Variants in EPB41L4A observed in about 807,000 individuals in gnomAD.
The protein encoded by EPB41L4A is erythrocyte membrane protein band 4.1 like 4A.
In EPB41L4A, 100 loss-of-function variants were observed where a neutral mutation model predicts 108.6. The ratio of observed to expected loss-of-function variants is 0.92; its 90% CI spans 0.78 to 1.09. The LOEUF (loss-of-function observed/expected upper bound fraction) is 1.09, where lower values mean the gene tolerates loss of function less well. EPB41L4A is among the 50% of genes least tolerant of loss of function. The pLI, the probability that EPB41L4A is intolerant of heterozygous loss-of-function variation, is 0.00. For missense variants in EPB41L4A, 1,030 were observed against 842.7 expected, an observed-to-expected ratio of 1.22 and a Z score of -2.75; for synonymous variants, 319 against 289.0, an observed-to-expected ratio of 1.10 and a Z score of -1.05.
At chr5:112,301,348 G>A (rs754774264) in intron 2 of EPB41L4A, among the ~76,000 whole-genome samples, 5 of 152,154 alleles carry the variant, frequency 3.3e-5, no homozygotes, top group Admixed American at 3.3e-4. Context: ...GTGTTCCCGT[G>A]ATGTAGCACT....
intron 1 of EPB41L4A, among the ~76,000 whole-genome samples, chr5:112,371,606 G>A (rs1759501487): frequency 6.6e-6 from 1 of 152,074 alleles, no homozygotes; most frequent in Non-Finnish European, 1.5e-5. Flanking sequence ...GAATGTCCAA[G>A]GACAAACAGT....
intron 18 of EPB41L4A, among the ~76,000 whole-genome samples, chr5:112,174,160 C>G (rs1477636084): frequency 1.3e-5 from 2 of 152,196 alleles, no homozygotes; most frequent in Admixed American, 6.5e-5. Context: ...CCTCTGATTG[C>G]TAGACCACCT....
At chr5:112,209,259 C>T (rs914694516) in intron 13 of EPB41L4A, among the ~76,000 whole-genome samples, 1 of 152,236 alleles carries the variant, frequency 6.6e-6, no homozygotes, top group African/African-American at 2.4e-5. Context: ...GTTTATAATG[C>T]TGTTCCGTGA....
intron 1 of EPB41L4A, among the ~76,000 whole-genome samples, chr5:112,322,697 G>GAGAC (rs1561570819): frequency 6.9e-6 from 1 of 144,690 alleles, no homozygotes; most frequent in Non-Finnish European, 1.5e-5. Context: ...CATCCACTAT[G>GAGAC]AGACACACAC....
intron 1 of EPB41L4A, among the ~76,000 whole-genome samples, chr5:112,396,246 A>T (rs1287823379): frequency 1.3e-5 from 2 of 152,192 alleles, no homozygotes; most frequent in South Asian, 2.1e-4. Context: ...CTTAAAGTAT[A>T]ATTAAAAAAA....
At chr5:112,361,668 T>A (rs1278043464) in intron 1 of EPB41L4A, among the ~76,000 whole-genome samples, 6 of 149,170 alleles carry the variant, frequency 4.0e-5, no homozygotes, top group Non-Finnish European at 5.9e-5. Context: ...CAAAGAAAAA[T>A]AGTAGAAGTA....
chr5:112,165,205 TA>T (rs767512690), intron 22 of EPB41L4A, 87 bp from the exon 23 acceptor site: 243 of 994,790 alleles, frequency 2.4e-4, no homozygotes, highest in Non-Finnish European at 3.5e-4. Flanking sequence ...AAGCTGCTCT[TA>T]AATTTAAGAT....
chr5:112,310,760 C>T (rs1754996196), intron 1 of EPB41L4A, among the ~76,000 whole-genome samples: 1 of 152,022 alleles, frequency 6.6e-6, no homozygotes, highest in South Asian at 2.1e-4. Flanking sequence ...AAACCTTCTG[C>T]TAATGTGCAA....
chr5:112,419,142 G>A lies in EPB41L4A; in HGVS notation c.-103C>T. The A allele has an allele frequency of 2.3e-6, 2 of 863,016 alleles. No individual in the cohort carries two copies. Among genetic ancestry groups the A allele is most frequent in the Admixed American group, 2.1e-5 (1 of 47,710 alleles). The allele number at this position is 863,016 out of a possible 1,614,324, so 53.5% of individuals were successfully genotyped here. On this transcript the variant is annotated 5_prime_UTR_variant, in exon 1 of 23. Transcript: ENST00000261486. The stretch of plus-strand genomic sequence containing the variant: ...GCATTAATTTATTGTCCGCGCCGTG[G>A]CGAGGGTGAGACGAGCAGCTCCCGG...
chr5:112,228,607 C>G, intron 12 of EPB41L4A: 1 of 677,516 alleles, frequency 1.5e-6, no homozygotes, highest in Non-Finnish European at 1.8e-6. Flanking sequence ...ATGGCTTCAC[C>G]CATTACTTTT....
intron 9 of EPB41L4A, among the ~76,000 whole-genome samples, chr5:112,244,830 G>A (rs951462433): frequency 6.6e-5 from 10 of 152,148 alleles, no homozygotes; most frequent in African/African-American, 2.4e-4. Flanking sequence ...GTTAGAAAAT[G>A]ATTCAGGACT....
chr5:112,158,486 T>C (rs1369805823), downstream of EPB41L4A: 1 of 357,322 alleles, frequency 2.8e-6, no homozygotes, highest in Non-Finnish European at 5.6e-6. Flanking sequence ...TAAACCTATA[T>C]ATGCTGGCTG....
intron 2 of EPB41L4A, among the ~76,000 whole-genome samples, chr5:112,300,779 A>T (rs1195330070): frequency 6.6e-6 from 1 of 152,088 alleles, no homozygotes; most frequent in African/African-American, 2.4e-5. Flanking sequence ...AGGAATGCCA[A>T]TTATTCTTAG....
At position 112,419,190 on chromosome 5, in the gene EPB41L4A, G is replaced by T. The variant is rs919925540; in HGVS notation, c.-151C>A. 9.1e-6 allele frequency: 5 copies of T among 546,894 alleles called. No individual in the cohort carries two copies. Among genetic ancestry groups the T allele is most frequent in the Admixed American group, 3.7e-5 (1 of 27,222 alleles). 33.9% of individuals were successfully genotyped at this position (546,894 alleles called of 1,614,324 possible). ...CGGCGGGGTCCGGGGACCGGCCGCCGAACCGCCCGGCGGGGCGGGAGCGAG... is the reference window on the plus strand; with the variant it reads ...CGGCGGGGTCCGGGGACCGGCCGCCTAACCGCCCGGCGGGGCGGGAGCGAG... On this transcript the variant is annotated 5_prime_UTR_variant, in exon 1 of 23. Transcript: ENST00000261486.
chr5:112,392,363 T>C (rs1173723958), intron 1 of EPB41L4A, among the ~76,000 whole-genome samples: 1 of 56,612 alleles, frequency 1.8e-5, no homozygotes, highest in East Asian at 5.7e-4. Context: ...AGGCTCAAAA[T>C]AAAGGGATGG....
At chr5:112,395,020 G>T (rs373861362) in intron 1 of EPB41L4A, among the ~76,000 whole-genome samples, 17,114 of 152,196 alleles carry the variant, frequency 0.11, 1,134 homozygotes, top group Non-Finnish European at 0.15. Flanking sequence ...AATAAATGGT[G>T]CTGGGAAAAC....
intron 10 of EPB41L4A, among the ~76,000 whole-genome samples, chr5:112,240,021 C>G (rs1749657793): frequency 6.6e-6 from 1 of 152,192 alleles, no homozygotes; most frequent in African/African-American, 2.4e-5. Flanking sequence ...AGTATCCCCA[C>G]AATCCAAAGG....
chr5:112,242,002 T>C (rs1367440985), intron 9 of EPB41L4A, among the ~76,000 whole-genome samples: 1 of 152,226 alleles, frequency 6.6e-6, no homozygotes, highest in Non-Finnish European at 1.5e-5. Context: ...CATCTGAGCC[T>C]TCAGGAAGTC....
rs150881498 is a variant in EPB41L4A, at chr5:112,220,814, T to G, written c.1088-10832A>C. 3.5e-3 allele frequency among the ~76,000 whole-genome samples: 532 copies of G among 152,298 alleles called. 1 individual carries two copies. Among genetic ancestry groups the G allele is most frequent in the African/African-American group, 0.012 (491 of 41,558 alleles). On this transcript the variant is annotated intron_variant, in intron 12 of 22. Coordinates refer to ENST00000261486, the MANE Select transcript of EPB41L4A (RefSeq NM_022140.5). Reference sequence around the variant, plus strand: ...CTCCTTTTTCCCCTGGAATCCCTCATGTGATAGATATCCTGCTTTACCCAG... The same window carrying G: ...CTCCTTTTTCCCCTGGAATCCCTCAGGTGATAGATATCCTGCTTTACCCAG...
Sources: gnomAD v4.1 joint callset for allele counts (sites outside exome capture counted in the v4.1 genomes callset) on GRCh38, gnomAD v4.1.1 for gene constraint, MANE v1.5 for transcripts, NCBI Gene and HGNC (gene_info 2026-07-23, HGNC 2026-07-21) for gene names.